Variants in ANGPT1 observed in about 807,000 individuals in gnomAD.
ANGPT1 encodes the protein angiopoietin 1, also known as angiopoietin-1.
Under a neutral mutation model 62.2 loss-of-function variants are expected in ANGPT1, and 17 were observed. The ratio of observed to expected loss-of-function variants is 0.27; its 90% CI spans 0.19 to 0.41. The LOEUF is 0.41. Ranked by LOEUF, ANGPT1 falls within the 10% of genes least tolerant of loss-of-function variation. ANGPT1 has a pLI of 1.00. For missense variants in ANGPT1, 478 were observed against 594.9 expected (o/e 0.80, Z 2.04); for synonymous variants, 199 against 198.9 (o/e 1.00, Z 0.00).
intron 1 of ANGPT1, among the ~76,000 whole-genome samples, chr8:107,465,661 A>G (rs1414003941): frequency 6.6e-6 from 1 of 152,188 alleles, no homozygotes. Flanking sequence ...GTTTTCAAGT[A>G]AATGCAAAAT....
chr8:107,251,679 G>T lies in ANGPT1; in HGVS notation c.*176C>A. Reference sequence around the variant, plus strand: ...ACTGTCACCCCAAGTAGAGACTCTTGTGAACTCAAACGGCTCCAGATTCAC... The same window carrying T: ...ACTGTCACCCCAAGTAGAGACTCTTTTGAACTCAAACGGCTCCAGATTCAC... On this transcript the variant is annotated 3_prime_UTR_variant, in exon 9 of 9. Transcript: ENST00000517746. 1 of 743,654 alleles carries T rather than the reference G, an allele frequency of 1.3e-6. No homozygotes were observed. The highest frequency in any genetic ancestry group is 4.0e-4 in the Middle Eastern group (1 of 2,500). The allele number at this position is 743,654 out of a possible 1,614,324, so 46.1% of individuals were successfully genotyped here.
At chr8:107,396,184 T>C (rs556847018) in intron 1 of ANGPT1, among the ~76,000 whole-genome samples, 2 of 152,286 alleles carry the variant, frequency 1.3e-5, no homozygotes, top group East Asian at 3.9e-4. Context: ...TTTGGTAACA[T>C]GACAAGAAAA....
chr8:107,375,333 C>A (rs28651856), intron 1 of ANGPT1, among the ~76,000 whole-genome samples: 2,103 of 152,218 alleles, frequency 0.014, 55 homozygotes, highest in African/African-American at 0.046. Context: ...TTAAATCCTT[C>A]TTTTGTCCAG....
At chr8:107,278,752 G>A (rs1474564683) in intron 7 of ANGPT1, among the ~76,000 whole-genome samples, 3 of 152,158 alleles carry the variant, frequency 2.0e-5, no homozygotes, top group Admixed American at 6.6e-5. Context: ...AACAGCTCCA[G>A]ACCCACCACA....
At chr8:107,430,874 A>G (rs1811167842) in intron 1 of ANGPT1, among the ~76,000 whole-genome samples, 1 of 152,238 alleles carries the variant, frequency 6.6e-6, no homozygotes, top group Non-Finnish European at 1.5e-5. Flanking sequence ...GTCTGTTATT[A>G]TTTGGTGCAC....
chr8:107,362,554 T>C (rs892733211), intron 1 of ANGPT1, among the ~76,000 whole-genome samples: 1 of 152,136 alleles, frequency 6.6e-6, no homozygotes, highest in African/African-American at 2.4e-5. Context: ...AGCTTTAATA[T>C]TAAAATTGTA....
rs1049802895 is a variant in ANGPT1 at position 107,251,694 on chromosome 8, T to C, written c.*161A>G. 2.2e-6 allele frequency: 2 copies of C among 893,808 alleles called. No homozygotes were observed. Among genetic ancestry groups the C allele is most frequent in the Non-Finnish European group, 3.3e-6 (2 of 606,064 alleles). The allele number at this position is 893,808 out of a possible 1,614,324, so 55.4% of individuals were successfully genotyped here. A position where few individuals can be genotyped will look rare whatever the true frequency, so the allele number is the denominator to read the frequency against. Reference sequence around the variant, plus strand: ...AGAGACTCTTGTGAACTCAAACGGCTCCAGATTCACGGTCAAGAACCTTGG... The same window carrying C: ...AGAGACTCTTGTGAACTCAAACGGCCCCAGATTCACGGTCAAGAACCTTGG... On this transcript the variant is annotated 3_prime_UTR_variant, in exon 9 of 9. Transcript: ENST00000517746.
intron 1 of ANGPT1, among the ~76,000 whole-genome samples, chr8:107,354,822 C>T (rs749725765): frequency 9.9e-5 from 15 of 151,978 alleles, no homozygotes; most frequent in Non-Finnish European, 1.9e-4. Context: ...TGAACGGCAC[C>T]ATTACCACCT....
At chr8:107,315,246 CATGAGAAGCTCCT>C (rs1179030174) in intron 4 of ANGPT1, among the ~76,000 whole-genome samples, 1 of 152,226 alleles carries the variant, frequency 6.6e-6, no homozygotes, top group African/African-American at 2.4e-5. Context: ...AAATGAACTT[CATGAGAAGCTCCT>C]ATGAGTTGAA....
At chr8:107,450,584 C>A (rs911965239) in intron 1 of ANGPT1, among the ~76,000 whole-genome samples, 3 of 151,712 alleles carry the variant, frequency 2.0e-5, no homozygotes, top group African/African-American at 7.3e-5. Flanking sequence ...AGAAAGAAAG[C>A]AAAATCAACC....
chr8:107,306,803 G>C (rs1814728848), intron 4 of ANGPT1, among the ~76,000 whole-genome samples: 1 of 151,958 alleles, frequency 6.6e-6, no homozygotes, highest in African/African-American at 2.4e-5. Context: ...CCAGTGTTTT[G>C]GGAGGTAGAG....
intron 7 of ANGPT1, among the ~76,000 whole-genome samples, chr8:107,275,970 T>C (rs976660197): frequency 1.3e-5 from 2 of 151,960 alleles, no homozygotes; most frequent in Admixed American, 1.3e-4. Context: ...GCTTGAAAAA[T>C]ATCCAAGACT....
chr8:107,352,917 A>G (rs1425783042), intron 1 of ANGPT1, among the ~76,000 whole-genome samples: 1 of 152,176 alleles, frequency 6.6e-6, no homozygotes, highest in Non-Finnish European at 1.5e-5. Context: ...TGTTCCATAA[A>G]TCAATGGCAA....
intron 4 of ANGPT1, among the ~76,000 whole-genome samples, chr8:107,307,337 C>T (rs1170030838): frequency 6.6e-6 from 1 of 152,100 alleles, no homozygotes; most frequent in Non-Finnish European, 1.5e-5. Flanking sequence ...GATGGGCATT[C>T]ATTCACTTTC....
chr8:107,358,613 C>T (rs184187091), intron 1 of ANGPT1, among the ~76,000 whole-genome samples: 1 of 152,278 alleles, frequency 6.6e-6, no homozygotes. Context: ...CACATATTGC[C>T]AGAGGAATTT....
intron 1 of ANGPT1, among the ~76,000 whole-genome samples, chr8:107,405,035 G>A (rs1817120422): frequency 6.6e-6 from 1 of 151,884 alleles, no homozygotes; most frequent in African/African-American, 2.4e-5. Context: ...ATGATTCCAT[G>A]TTATATCAGA....
At chr8:107,398,165 A>G (rs896754597) in intron 1 of ANGPT1, among the ~76,000 whole-genome samples, 1 of 152,230 alleles carries the variant, frequency 6.6e-6, no homozygotes, top group Non-Finnish European at 1.5e-5. Flanking sequence ...CACAGTCAAT[A>G]TGCCCAAAAG....
chr8:107,336,521 C>T (rs1359899127), intron 2 of ANGPT1: 3 of 366,494 alleles, frequency 8.2e-6, no homozygotes, highest in Non-Finnish European at 8.5e-6. Context: ...AAAACTTAGC[C>T]GGGCGTGGTA....
At chr8:107,375,457 T>C (rs1052505280) in intron 1 of ANGPT1, among the ~76,000 whole-genome samples, 3 of 152,162 alleles carry the variant, frequency 2.0e-5, no homozygotes, top group Non-Finnish European at 4.4e-5. Flanking sequence ...CAAATTTCAA[T>C]ACAGAGCTCT....
Sources: allele counts gnomAD v4.1 joint callset (sites outside exome capture counted in the v4.1 genomes callset), GRCh38; gene constraint gnomAD v4.1.1; transcripts MANE v1.5; gene names NCBI Gene and HGNC (gene_info 2026-07-23, HGNC 2026-07-21).